NEMP2: variants seen among roughly 807,000 people sequenced by gnomAD.
NEMP2 encodes nuclear envelope integral membrane protein 2.
A neutral mutation model predicts 54.2 loss-of-function variants in NEMP2; 53 were observed. The ratio of observed to expected loss-of-function variants is 0.98; its 90% CI spans 0.78 to 1.23. The LOEUF is 1.23. Among genes scored for constraint, NEMP2 ranks in the 50% most tolerant of loss-of-function variants. The probability of loss-of-function intolerance (pLI) is 0.00; values close to 1 mark genes in which losing one functional copy is unlikely to be tolerated. For missense variants in NEMP2, 455 were observed against 511.3 expected (o/e 0.89, Z 1.06); for synonymous variants, 197 against 190.3 (o/e 1.04, Z -0.29).
rs1691093973 is a variant in NEMP2 at position 190,530,186 on chromosome 2, T to C, written c.97+4373A>G. 6.6e-6 allele frequency among the ~76,000 whole-genome samples: 1 copy of C among 152,118 alleles called. No individual in the cohort carries two copies. The highest frequency in any genetic ancestry group is 2.4e-5 in the African/African-American group (1 of 41,412). The stretch of plus-strand genomic sequence containing the variant: ...TAAGGACAGCATAGAAGGAAGGAGG[T>C]TGTCCTGACTGTTCATGCCTATAGA... On this transcript the variant is annotated intron_variant, in intron 1 of 8. Coordinates refer to ENST00000409150, the MANE Select transcript of NEMP2 (RefSeq NM_001142645.2). The surrounding 1 kb of genome is among the most constrained non-coding windows in gnomAD (Gnocchi z 4.6).
chr2:190,498,110 T>G, the NEMP2 span: 1 of 179,346 alleles, frequency 5.6e-6, no homozygotes, highest in Non-Finnish European at 1.2e-5. The surrounding 1 kb of genome is among the most constrained non-coding windows in gnomAD (Gnocchi z 5.9). Flanking sequence ...AATTAATTAA[T>G]CTGAGCCACT....
the NEMP2 span, chr2:190,469,740 T>TTTTTTA: frequency 7.2e-7 from 1 of 1,393,204 alleles, no homozygotes; most frequent in Non-Finnish European, 9.5e-7. The surrounding 1 kb of genome is among the most constrained non-coding windows in gnomAD (Gnocchi z 5.3). Flanking sequence ...TTTATTTTTA[T>TTTTTTA]TTTTTATTTT....
chr2:190,425,505 C>T, the NEMP2 span, among the ~76,000 whole-genome samples: 1 of 152,158 alleles, frequency 6.6e-6, no homozygotes, highest in Non-Finnish European at 1.5e-5. The surrounding 1 kb of genome is among the most constrained non-coding windows in gnomAD (Gnocchi z 4.3). Context: ...GAACATTCCC[C>T]TCTGTTCTTA....
At chr2:190,586,662 A>G in the NEMP2 span, among the ~76,000 whole-genome samples, 1 of 152,180 alleles carries the variant, frequency 6.6e-6, no homozygotes. This position sits in a 1 kb window ranked among gnomAD's most constrained non-coding sequence, Gnocchi z 4.5. Context: ...GAAACATTCA[A>G]TACCAACCCC....
chr2:190,619,485 G>C, the NEMP2 span, among the ~76,000 whole-genome samples: 1 of 151,666 alleles, frequency 6.6e-6, no homozygotes, highest in South Asian at 2.1e-4. This position sits in a 1 kb window ranked among gnomAD's most constrained non-coding sequence, Gnocchi z 5.5. Flanking sequence ...GGGTGACAGA[G>C]TAAGACCCTG....
chr2:190,465,728 C>T, the NEMP2 span, among the ~76,000 whole-genome samples: 562 of 152,234 alleles, frequency 3.7e-3, 4 homozygotes, highest in Middle Eastern at 6.8e-3. This position sits in a 1 kb window ranked among gnomAD's most constrained non-coding sequence, Gnocchi z 4.6. Context: ...CGTGGTGGCT[C>T]ACGCCTATAA....
the NEMP2 span, chr2:190,469,871 G>C: frequency 6.5e-7 from 1 of 1,549,536 alleles, no homozygotes; most frequent in Admixed American, 1.7e-5. The surrounding 1 kb of genome is among the most constrained non-coding windows in gnomAD (Gnocchi z 5.3). Flanking sequence ...TTAACAGCTG[G>C]GATTGAAATT....
chr2:190,474,599 A>G, the NEMP2 span, among the ~76,000 whole-genome samples: 1 of 152,224 alleles, frequency 6.6e-6, no homozygotes, highest in African/African-American at 2.4e-5. Flanking sequence ...AAAAAAGTCC[A>G]GGACCAGATG....
intron 6 of NEMP2, among the ~76,000 whole-genome samples, chr2:190,515,988 C>T (rs1329901744): frequency 2.0e-5 from 3 of 152,074 alleles, no homozygotes; most frequent in African/African-American, 7.2e-5. Flanking sequence ...AATTCAGAAG[C>T]ATGTGCATTC....
At chr2:190,499,836 A>G (rs1219851817), downstream of NEMP2, 4 of 1,543,558 alleles carry the variant, frequency 2.6e-6, no homozygotes, top group African/African-American at 1.4e-5. The surrounding 1 kb of genome is among the most constrained non-coding windows in gnomAD (Gnocchi z 6.0). Flanking sequence ...TGGCAGTTGC[A>G]CATAGGAAAG....
the NEMP2 span, among the ~76,000 whole-genome samples, chr2:190,635,377 T>C: frequency 6.6e-6 from 1 of 152,182 alleles, no homozygotes; most frequent in African/African-American, 2.4e-5. The surrounding 1 kb of genome is among the most constrained non-coding windows in gnomAD (Gnocchi z 4.1). Context: ...CCACCAAGGC[T>C]TGGCTAATTT....
the NEMP2 span, among the ~76,000 whole-genome samples, chr2:190,421,725 T>TAA: frequency 0.3 from 45,892 of 150,794 alleles, 7,818 homozygotes; most frequent in African/African-American, 0.45. Flanking sequence ...CTGGCTAACT[T>TAA]AAAAAAAAAA....
the NEMP2 span, among the ~76,000 whole-genome samples, chr2:190,596,582 T>A: frequency 6.6e-6 from 1 of 152,226 alleles, no homozygotes; most frequent in Non-Finnish European, 1.5e-5. This position sits in a 1 kb window ranked among gnomAD's most constrained non-coding sequence, Gnocchi z 5.1. Context: ...GTGATGCTAC[T>A]TATTTTTACT....
Position 190,534,605 on chromosome 2 carries a change from C to A in NEMP2, c.51G>T (p.Leu17=). 1 of 1,390,720 alleles carries A rather than the reference C, an allele frequency of 7.2e-7. No homozygotes were observed. The highest frequency in any genetic ancestry group is 9.3e-7 in the Non-Finnish European group (1 of 1,076,032). The allele number at this position is 1,390,720 out of a possible 1,614,324, so 86.1% of individuals were successfully genotyped here. A position where few individuals can be genotyped will look rare whatever the true frequency, so the allele number is the denominator to read the frequency against. Residue 17 remains leucine (L), a synonymous_variant, in exon 1 of 9, where the codon CTG becomes CTT. Coordinates refer to ENST00000409150, the MANE Select transcript of NEMP2 (RefSeq NM_001142645.2). The part of the protein sequence containing the change: ...RWWLLLWLPP[L]ATLPVRGEAA... ...CCTCCCCGCGCACGGGCAGTGTGGC[C>A]AGGGGCGGCAGCCAGAGCAGCAGCC...
At chr2:190,486,246 T>TC in the NEMP2 span, among the ~76,000 whole-genome samples, 13 of 152,234 alleles carry the variant, frequency 8.5e-5, no homozygotes, top group Non-Finnish European at 1.5e-4. Context: ...GAAGAAGTGT[T>TC]CCCCGCCTTG....
the NEMP2 span, among the ~76,000 whole-genome samples, chr2:190,601,267 A>G: frequency 2.0e-5 from 3 of 152,142 alleles, no homozygotes; most frequent in African/African-American, 7.2e-5. This position sits in a 1 kb window ranked among gnomAD's most constrained non-coding sequence, Gnocchi z 5.8. Context: ...AGCTAAGAGA[A>G]AGGCCCAGAA....
chr2:190,511,212 C>T (rs959179587), intron 7 of NEMP2, among the ~76,000 whole-genome samples: 4 of 152,028 alleles, frequency 2.6e-5, no homozygotes, highest in Non-Finnish European at 4.4e-5. Context: ...CTAATAGAAG[C>T]AAGCTTTTGA....
the NEMP2 span, among the ~76,000 whole-genome samples, chr2:190,604,261 G>A: frequency 0.16 from 24,659 of 152,084 alleles, 2,073 homozygotes; most frequent in East Asian, 0.28. The surrounding 1 kb of genome is among the most constrained non-coding windows in gnomAD (Gnocchi z 4.5). Context: ...CCGTTTGAGG[G>A]TGACTAGAGG....
At chr2:190,615,935 G>T in the NEMP2 span, among the ~76,000 whole-genome samples, 2 of 152,166 alleles carry the variant, frequency 1.3e-5, no homozygotes, top group East Asian at 3.8e-4. This position sits in a 1 kb window ranked among gnomAD's most constrained non-coding sequence, Gnocchi z 4.7. Context: ...AGAATCTAAG[G>T]TCTCCAGGAA....
Sources: gnomAD v4.1 joint callset for allele counts (sites outside exome capture counted in the v4.1 genomes callset) on GRCh38, gnomAD v4.1.1 for gene constraint, Gnocchi (gnomAD v3.1) non-coding constraint, MANE v1.5 for transcripts, NCBI Gene and HGNC (gene_info 2026-07-23, HGNC 2026-07-21) for gene names.